ANO10: variants seen among roughly 807,000 people sequenced by gnomAD.
ANO10 encodes the protein anoctamin-10.
Under a neutral mutation model 74.7 loss-of-function variants are expected in ANO10, and 77 were observed. The ratio of observed to expected loss-of-function variants is 1.03; its 90% confidence interval spans 0.86 to 1.25. The LOEUF (loss-of-function observed/expected upper bound fraction) is 1.25. ANO10 is among the 50% of genes most tolerant of loss of function. The pLI, the probability that ANO10 is intolerant of heterozygous loss-of-function variation, is 0.00. For synonymous variants in ANO10, 279 were observed against 284.9 expected (o/e 0.98, Z 0.21); for missense variants, 721 against 778.1 (o/e 0.93, Z 0.87).
intron 11 of ANO10, among the ~76,000 whole-genome samples, chr3:43,446,402 GCT>G (rs2093246703): frequency 6.6e-6 from 1 of 152,238 alleles, no homozygotes; most frequent in African/African-American, 2.4e-5. Context: ...GCAAGTCTTT[GCT>G]CTGAGAGAGA....
intron 11 of ANO10, among the ~76,000 whole-genome samples, chr3:43,504,426 G>A (rs1252026317): frequency 6.6e-6 from 1 of 152,012 alleles, no homozygotes; most frequent in Non-Finnish European, 1.5e-5. Flanking sequence ...CAAAGGAAAA[G>A]CATGAAATAT....
chr3:43,460,918 A>G (rs2075349511), intron 11 of ANO10, among the ~76,000 whole-genome samples: 1 of 152,178 alleles, frequency 6.6e-6, no homozygotes, highest in South Asian at 2.1e-4. Flanking sequence ...TATGATTGTC[A>G]AAATGAAAAC....
chr3:43,485,192 C>G, intron 11 of ANO10: 1 of 703,076 alleles, frequency 1.4e-6, no homozygotes, highest in Non-Finnish European at 2.6e-6. Flanking sequence ...CTGCGGTGGT[C>G]AGGTACCGGT....
intron 7 of ANO10, among the ~76,000 whole-genome samples, chr3:43,571,442 C>T (rs1209705524): frequency 1.3e-5 from 2 of 151,604 alleles, no homozygotes; most frequent in Non-Finnish European, 3.0e-5. Flanking sequence ...ACCCAAATGT[C>T]CAACAATGAT....
At chr3:43,530,963 T>C (rs2078442215) in intron 11 of ANO10, among the ~76,000 whole-genome samples, 2 of 152,150 alleles carry the variant, frequency 1.3e-5, no homozygotes, top group South Asian at 4.1e-4. Context: ...ACACACAGAA[T>C]ATTCAAAAAC....
chr3:43,382,335 C>T (rs62250906), intron 12 of ANO10, among the ~76,000 whole-genome samples: 23 of 151,736 alleles, frequency 1.5e-4, no homozygotes, highest in Non-Finnish European at 2.5e-4. Flanking sequence ...CTGGCTAACA[C>T]GGTGAAACCC....
chr3:43,631,995 C>A (rs569965717), intron 1 of ANO10, among the ~76,000 whole-genome samples: 27 of 151,260 alleles, frequency 1.8e-4, no homozygotes, highest in Non-Finnish European at 3.5e-4. Flanking sequence ...ATTGCTTGAA[C>A]CCAGGAGACA....
At chr3:43,367,551 T>C (rs1474222002) in intron 12 of ANO10, among the ~76,000 whole-genome samples, 3 of 152,086 alleles carry the variant, frequency 2.0e-5, no homozygotes, top group Non-Finnish European at 4.4e-5. Context: ...CCATCCTCAC[T>C]GGGAACAACC....
intron 1 of ANO10, among the ~76,000 whole-genome samples, chr3:43,627,625 T>A (rs1287478287): frequency 2.6e-5 from 4 of 152,250 alleles, no homozygotes; most frequent in Non-Finnish European, 5.9e-5. Flanking sequence ...TCCACCTGCC[T>A]GATACCAAGA....
intron 10 of ANO10, among the ~76,000 whole-genome samples, chr3:43,553,647 T>C (rs945460848): frequency 3.3e-5 from 5 of 151,910 alleles, no homozygotes; most frequent in Non-Finnish European, 7.4e-5. Context: ...GTGATTCTCC[T>C]GCCTCAGCCT....
At chr3:43,457,855 C>T (rs1371457795) in intron 11 of ANO10, among the ~76,000 whole-genome samples, 2 of 152,166 alleles carry the variant, frequency 1.3e-5, no homozygotes, top group Non-Finnish European at 2.9e-5. Flanking sequence ...CTCAGTGCAA[C>T]ATGGAGAGTT....
At chr3:43,385,403 A>G (rs967506174) in intron 12 of ANO10, among the ~76,000 whole-genome samples, 3 of 152,214 alleles carry the variant, frequency 2.0e-5, no homozygotes, top group African/African-American at 7.2e-5. Context: ...CAATCCCACT[A>G]CTAGGTATCT....
At chr3:43,535,915 G>A (rs2149262389) in intron 11 of ANO10, among the ~76,000 whole-genome samples, 1 of 152,268 alleles carries the variant, frequency 6.6e-6, no homozygotes, top group African/African-American at 2.4e-5. Context: ...GCAGGACTTG[G>A]CACCCTAGTT....
chr3:43,385,602 C>T (rs369302653), intron 12 of ANO10, among the ~76,000 whole-genome samples: 17 of 152,018 alleles, frequency 1.1e-4, no homozygotes, highest in South Asian at 2.1e-4. Context: ...TAATGGCATC[C>T]GCAGCGACCT....
chr3:43,409,550 T>C (rs1386530092), intron 12 of ANO10, among the ~76,000 whole-genome samples: 1 of 151,846 alleles, frequency 6.6e-6, no homozygotes, highest in Admixed American at 6.6e-5. Flanking sequence ...TCAATAAAAA[T>C]AAGAAAAGAA....
chr3:43,571,553 G>A (rs962586837), intron 7 of ANO10, among the ~76,000 whole-genome samples: 2 of 152,056 alleles, frequency 1.3e-5, no homozygotes, highest in African/African-American at 4.8e-5. Flanking sequence ...GATGAAACTG[G>A]AAATCATCAT....
At chr3:43,612,145 T>C (rs1376823343) in intron 1 of ANO10, among the ~76,000 whole-genome samples, 2 of 33,646 alleles carry the variant, frequency 5.9e-5, no homozygotes, top group African/African-American at 3.0e-4. Flanking sequence ...ATATTTTATA[T>C]ATATATATAT....
chr3:43,667,508 T>C (rs2084006689), intron 1 of ANO10, among the ~76,000 whole-genome samples: 1 of 152,064 alleles, frequency 6.6e-6, no homozygotes, highest in Non-Finnish European at 1.5e-5. Context: ...TCTTTAGTGG[T>C]GATTTCTGAG....
At chr3:43,619,211 T>C (rs1359008781) in intron 1 of ANO10, among the ~76,000 whole-genome samples, 1 of 152,212 alleles carries the variant, frequency 6.6e-6, no homozygotes, top group Admixed American at 6.5e-5. Context: ...AGGTGTGTGC[T>C]TTCTAGCAGG....
Sources: allele counts gnomAD v4.1 joint callset (sites outside exome capture counted in the v4.1 genomes callset), GRCh38; gene constraint gnomAD v4.1.1; transcripts MANE v1.5; gene names NCBI Gene and HGNC (gene_info 2026-07-23, HGNC 2026-07-21).